The following IKZF1 variants were observed in gnomAD, a reference collection of about 807,000 sequenced individuals.
The protein encoded by IKZF1 is DNA-binding protein Ikaros.
IKZF1 carries 10 observed loss-of-function variants against 51.7 expected under a neutral mutation model. The ratio of observed to expected loss-of-function variants is 0.19; its 90% CI spans 0.12 to 0.33. The LOEUF (loss-of-function observed/expected upper bound fraction) is 0.33, where lower values mean the gene tolerates loss of function less well. Among genes scored for constraint, IKZF1 ranks in the 10% least tolerant of loss-of-function variants. The pLI is 1.00. For synonymous variants in IKZF1, 280 were observed against 282.3 expected (o/e 0.99, Z 0.08); for missense variants, 484 against 707.5 (o/e 0.68, Z 3.58).
At chr7:50,386,245 C>T (rs1463208900) in intron 5 of IKZF1, among the ~76,000 whole-genome samples, 1 of 152,178 alleles carries the variant, frequency 6.6e-6, no homozygotes, top group Non-Finnish European at 1.5e-5. Flanking sequence ...AAATATCACT[C>T]AATAAAATCC....
intron 2 of IKZF1, among the ~76,000 whole-genome samples, chr7:50,323,810 A>G (rs1482825974): frequency 6.6e-6 from 1 of 152,226 alleles, no homozygotes; most frequent in Non-Finnish European, 1.5e-5. Context: ...ACCAAATAAT[A>G]CCATAAGTTT....
intron 3 of IKZF1, among the ~76,000 whole-genome samples, chr7:50,374,936 T>C (rs1809781966): frequency 6.6e-6 from 1 of 152,096 alleles, no homozygotes; most frequent in Non-Finnish European, 1.5e-5. Flanking sequence ...AAGACAGTTG[T>C]TCTCAGTCCT....
intron 3 of IKZF1, among the ~76,000 whole-genome samples, chr7:50,373,947 C>T (rs774798168): frequency 1.6e-4 from 24 of 152,196 alleles, no homozygotes; most frequent in African/African-American, 1.9e-4. Context: ...CAGATGCTCT[C>T]GGTCTCTGAT....
chr7:50,373,493 C>A, intron 3 of IKZF1, among the ~76,000 whole-genome samples: 1 of 152,276 alleles, frequency 6.6e-6, no homozygotes, highest in Non-Finnish European at 1.5e-5. Context: ...GAGGATTATC[C>A]CAATGCCTGT....
Position 50,400,508 on chromosome 7 carries a change from A to G in IKZF1, c.1441A>G (p.Met481Val). The G allele has an allele frequency of 6.2e-7, 1 of 1,614,078 alleles. No individual in the cohort carries two copies. Among genetic ancestry groups the G allele is most frequent in the Non-Finnish European group, 8.5e-7 (1 of 1,179,960 alleles). Residue 481 changes from methionine to valine, a missense_variant, in exon 8 of 8, where the codon ATG becomes GTG. Coordinates refer to ENST00000331340, the MANE Select transcript of IKZF1 (RefSeq NM_006060.6). This position sits in a 1 kb window ranked among gnomAD's most constrained non-coding sequence, Gnocchi z 5.4. ...GGATCACGTCATGTACACCATCCAC[A>G]TGGGCTGCCACGGCTTCCGTGATCC... ...FLDHVMYTIH[M>V]GCHGFRDPFE...
At chr7:50,395,890 T>C (rs1427435327) in intron 7 of IKZF1, among the ~76,000 whole-genome samples, 3 of 152,238 alleles carry the variant, frequency 2.0e-5, no homozygotes, top group Non-Finnish European at 2.9e-5. Context: ...TTGAGAACTT[T>C]TTAGATTTTG....
chr7:50,395,447 AT>A (rs56984959), intron 7 of IKZF1, among the ~76,000 whole-genome samples: 5,985 of 152,168 alleles, frequency 0.039, 274 homozygotes, highest in African/African-American at 0.11. Context: ...AGAAATTTGA[AT>A]TTTTTTTAAT....
chr7:50,315,663 G>A (rs762643973), intron 1 of IKZF1, among the ~76,000 whole-genome samples: 3 of 152,202 alleles, frequency 2.0e-5, no homozygotes, highest in Non-Finnish European at 2.9e-5. Flanking sequence ...ACTGCGGTAC[G>A]TTTCTGTGAA....
In IKZF1 at chr7:50,382,711, G is replaced by A; in HGVS notation, c.589+4G>A. ...GGCCACCTGAGGACGCACTCCGGTA[G>A]GTCCCCTGGATGCAGTCCGGGGCTG... On this transcript the variant is annotated splice_donor_region_variant and intron_variant, in intron 5 of 7. Coordinates refer to ENST00000331340, the MANE Select transcript of IKZF1 (RefSeq NM_006060.6). 6.2e-7 allele frequency: 1 copy of A among 1,604,326 alleles called. No individual in the cohort carries two copies. Among genetic ancestry groups the A allele is most frequent in the Non-Finnish European group, 8.5e-7 (1 of 1,178,924 alleles).
At chr7:50,340,481 C>T (rs1169729457) in intron 3 of IKZF1, among the ~76,000 whole-genome samples, 1 of 152,252 alleles carries the variant, frequency 6.6e-6, no homozygotes, top group Non-Finnish European at 1.5e-5. Flanking sequence ...TGCTGCATGG[C>T]AGAGCCCAGT....
In IKZF1 at chr7:50,400,172, G is replaced by T; in HGVS notation, c.1105G>T (p.Ala369Ser). The T allele has an allele frequency of 6.4e-7, 1 of 1,564,804 alleles. No individual in the cohort carries two copies. The highest frequency in any genetic ancestry group is 8.6e-7 in the Non-Finnish European group (1 of 1,156,290). ...CTCCAACCACTCGGCCCAGGACAGCGCCGTGGAGAACCTGCTGCTGCTCTC... is the reference window on the plus strand; with the variant it reads ...CTCCAACCACTCGGCCCAGGACAGCTCCGTGGAGAACCTGCTGCTGCTCTC... The part of the protein sequence containing the change: ...PRSNHSAQDS[A>S]VENLLLLSKA... The change falls in exon 8 of 8, where the codon GCC (alanine) becomes TCC (serine). Residue 369 changes from alanine to serine, a missense_variant. Ala to Ser is a moderately conservative substitution (Grantham distance 99, BLOSUM62 1). Around this residue, in one of 6 missense-constraint regions of IKZF1, gnomAD observed 172 missense variants for 192.7 expected, o/e 0.89. Coordinates refer to ENST00000331340, the MANE Select transcript of IKZF1 (RefSeq NM_006060.6). The surrounding 1 kb of genome is among the most constrained non-coding windows in gnomAD (Gnocchi z 5.4).
At chr7:50,397,707 A>C (rs1817073208) in intron 7 of IKZF1, among the ~76,000 whole-genome samples, 1 of 152,252 alleles carries the variant, frequency 6.6e-6, no homozygotes, top group African/African-American at 2.4e-5. Flanking sequence ...ACACAAAAAC[A>C]GAAACAAAAA....
intron 2 of IKZF1, among the ~76,000 whole-genome samples, chr7:50,324,584 C>T (rs1794354131): frequency 6.6e-6 from 1 of 151,960 alleles, no homozygotes; most frequent in African/African-American, 2.4e-5. Context: ...CTTTTTCTCC[C>T]CCATGTTGAA....
chr7:50,373,101 C>T (rs1363239436), intron 3 of IKZF1, among the ~76,000 whole-genome samples: 1 of 152,236 alleles, frequency 6.6e-6, no homozygotes, highest in African/African-American at 2.4e-5. Context: ...TTGAGAACAT[C>T]TGTGATATCT....
At position 50,363,982 on chromosome 7, in the gene IKZF1, T is replaced by G. The variant is rs141732494; in HGVS notation, c.161-12551T>G. ...AAACAAGGTCATAATAGACTAGTGA[T>G]CTCACTGTGGCTAACAGGTTCATGT... is the stretch of plus-strand genomic sequence containing the variant. On this transcript the variant is annotated intron_variant, in intron 3 of 7. Coordinates refer to ENST00000331340, the MANE Select transcript of IKZF1 (RefSeq NM_006060.6). 1.2e-3 allele frequency among the ~76,000 whole-genome samples: 188 copies of G among 152,370 alleles called. 1 individual carries two copies. The Middle Eastern group carries it at 0.014, about 11-fold the overall frequency.
intron 7 of IKZF1, among the ~76,000 whole-genome samples, chr7:50,399,160 A>T (rs892061356): frequency 6.6e-6 from 1 of 152,176 alleles, no homozygotes; most frequent in Non-Finnish European, 1.5e-5. Flanking sequence ...ATGAATAGCA[A>T]CTATTTTCCC....
intron 3 of IKZF1, 99 bp downstream of exon 3, chr7:50,327,856 T>C (rs1445922947): frequency 2.3e-6 from 3 of 1,322,838 alleles, no homozygotes; most frequent in Non-Finnish European, 3.1e-6. Context: ...TTATCCATTG[T>C]GTTCCCTCAA....
chr7:50,340,700 T>G lies in IKZF1; in HGVS notation c.160+12943T>G, dbSNP rs961876739. Reference sequence around the variant, plus strand: ...AACTTGGTGGCAATAAAATTAAGAATCTGCCAGTGCCCCCCAAGCATTTCT... The same window carrying G: ...AACTTGGTGGCAATAAAATTAAGAAGCTGCCAGTGCCCCCCAAGCATTTCT... On this transcript the variant is annotated intron_variant, in intron 3 of 7. Coordinates refer to ENST00000331340, the MANE Select transcript of IKZF1 (RefSeq NM_006060.6). 2.7e-4 allele frequency among the ~76,000 whole-genome samples: 41 copies of G among 152,368 alleles called. No homozygotes were observed. In the East Asian group the frequency reaches 5.6e-3, roughly 21 times the overall value.
At chr7:50,335,754 T>C (rs1797619169) in intron 3 of IKZF1, among the ~76,000 whole-genome samples, 1 of 151,846 alleles carries the variant, frequency 6.6e-6, no homozygotes, top group African/African-American at 2.4e-5. Context: ...TATGTGTGTA[T>C]GGGATGTGTG....
Sources: gnomAD v4.1 joint callset for allele counts (sites outside exome capture counted in the v4.1 genomes callset) on GRCh38, gnomAD v4.1.1 for gene constraint, gnomAD v4.1.1 regional missense constraint, Gnocchi (gnomAD v3.1) non-coding constraint, MANE v1.5 for transcripts, NCBI Gene and HGNC (gene_info 2026-07-23, HGNC 2026-07-21) for gene names.